The following ANAPC5 variants were observed in gnomAD, a reference collection of about 807,000 sequenced individuals.
The protein encoded by ANAPC5 is anaphase-promoting complex subunit 5.
ANAPC5 carries 60 observed loss-of-function variants against 91.3 expected under a neutral mutation model. That is an observed-to-expected ratio of 0.66 (90% CI 0.53 to 0.81). The LOEUF is 0.81. Among genes scored for constraint, ANAPC5 ranks in the 40% least tolerant of loss-of-function variants. The probability of loss-of-function intolerance (pLI) is 0.00; values close to 1 mark genes in which losing one functional copy is unlikely to be tolerated. For synonymous variants in ANAPC5, 340 were observed against 364.1 expected (o/e 0.93, Z 0.75); for missense variants, 690 against 931.5 (o/e 0.74, Z 3.37).
chr12:121,325,760 G>A (rs1902789930), intron 11 of ANAPC5, among the ~76,000 whole-genome samples: 1 of 151,956 alleles, frequency 6.6e-6, no homozygotes, highest in East Asian at 1.9e-4. Flanking sequence ...CCAGCTATTC[G>A]GGAGGCTGAG....
In ANAPC5 at chr12:121,345,841, T is replaced by G; in HGVS notation, c.588A>C (p.Val196=). 6.2e-7 allele frequency: 1 copy of G among 1,612,706 alleles called. No individual in the cohort carries two copies. The highest frequency in any genetic ancestry group is 8.5e-7 in the Non-Finnish European group (1 of 1,179,642). Residue 196 remains valine, a splice_region_variant and synonymous_variant, in exon 4 of 17, where the codon GTA becomes GTC. Coordinates refer to ENST00000261819, the MANE Select transcript of ANAPC5 (RefSeq NM_016237.5). ...CCCTGTCAGAAAAGCCAAATTACCTTACAGATACATCAAGTTCTTCTTTTT... is the reference window on the plus strand; with the variant it reads ...CCCTGTCAGAAAAGCCAAATTACCTGACAGATACATCAAGTTCTTCTTTTT... ...KMEKEELDVS[V]REEEVSCSGP...
intron 15 of ANAPC5, among the ~76,000 whole-genome samples, chr12:121,312,477 C>G (rs1288949058): frequency 6.6e-6 from 1 of 151,630 alleles, no homozygotes; most frequent in African/African-American, 2.4e-5. Context: ...GAGGCCGAGG[C>G]AGGCAGATCA....
rs557201124 is a variant in ANAPC5 at position 121,337,449 on chromosome 12, G to A, written c.658-57C>T. On this transcript the variant is annotated intron_variant, in intron 5 of 16. Coordinates refer to ENST00000261819, the MANE Select transcript of ANAPC5 (RefSeq NM_016237.5). ...GAAAGGGTCAATAAACATATGAAAA[G>A]ATATACTAACTAGCATCACCTGATT... is the stretch of plus-strand genomic sequence containing the variant. The A allele has an allele frequency of 1.3e-4, 173 of 1,290,088 alleles. No homozygotes were observed. The African/African-American group carries it at 2.2e-3, about 17-fold the overall frequency. 79.9% of individuals were successfully genotyped at this position (1,290,088 alleles called of 1,614,324 possible). A position where few individuals can be genotyped will look rare whatever the true frequency, so the allele number is the denominator to read the frequency against.
chr12:121,336,798 G>A (rs1411839088), intron 6 of ANAPC5, among the ~76,000 whole-genome samples: 11 of 152,146 alleles, frequency 7.2e-5, no homozygotes, highest in African/African-American at 2.4e-4. Context: ...AGAAGAAATC[G>A]CCTATGGCCC....
intron 7 of ANAPC5, chr12:121,333,054 GC>G (rs1191669342): frequency 1.3e-5 from 2 of 152,172 alleles, no homozygotes; most frequent in African/African-American, 4.8e-5. Context: ...AGTGGCTCAC[GC>G]CTGTAATCCC....
chr12:121,314,472 C>G (rs921595327), intron 15 of ANAPC5, among the ~76,000 whole-genome samples: 4 of 151,834 alleles, frequency 2.6e-5, no homozygotes, highest in African/African-American at 9.7e-5. Context: ...AAAAATTTGA[C>G]AAAATCCAAT....
At chr12:121,313,439 GAAC>G (rs781261846) in intron 15 of ANAPC5, among the ~76,000 whole-genome samples, 23 of 152,134 alleles carry the variant, frequency 1.5e-4, no homozygotes, top group Admixed American at 2.6e-4. Flanking sequence ...GAGACTAAGA[GAAC>G]AACAGAGAGA....
rs371157572 is a variant in ANAPC5, at chr12:121,324,393, T to C, written c.1440+2703A>G. Reference sequence around the variant, plus strand: ...AGGCAGCTACCTTCTAGTTGTGTACTAAAAGGCTTCCTAACACAGCCTGGC... The same window carrying C: ...AGGCAGCTACCTTCTAGTTGTGTACCAAAAGGCTTCCTAACACAGCCTGGC... On this transcript the variant is annotated intron_variant, in intron 11 of 16. Coordinates refer to ENST00000261819, the MANE Select transcript of ANAPC5 (RefSeq NM_016237.5). Among the ~76,000 whole-genome samples, 68 of 152,156 alleles carry C rather than the reference T, an allele frequency of 4.5e-4. No individual in the cohort carries two copies. The South Asian group carries it at 7.5e-3, about 17-fold the overall frequency.
intron 5 of ANAPC5, among the ~76,000 whole-genome samples, chr12:121,338,982 T>C (rs1469293857): frequency 2.6e-5 from 4 of 151,920 alleles, no homozygotes; most frequent in African/African-American, 9.7e-5. Flanking sequence ...GAATATGATA[T>C]GTAACTTTAT....
intron 10 of ANAPC5, chr12:121,328,092 A>G (rs1318853040): frequency 1.3e-5 from 6 of 471,464 alleles, no homozygotes; most frequent in Non-Finnish European, 2.3e-5. Context: ...CCCACCCATT[A>G]CCTCACAAAG....
chr12:121,308,271 GA>G lies in ANAPC5; in HGVS notation c.*208del. On this transcript the variant is annotated 3_prime_UTR_variant, in exon 17 of 17. Transcript: ENST00000261819. ...TGTTAGCAAAATACCCATTTATTAA[GA>G]AAAAGTTGGTGTCCTTTGCTACCAA... The G allele has an allele frequency of 1.8e-6, 1 of 544,006 alleles. No individual in the cohort carries two copies. The highest frequency in any genetic ancestry group is 3.3e-6 in the Non-Finnish European group (1 of 303,906). 33.7% of individuals were successfully genotyped at this position (544,006 alleles called of 1,614,324 possible).
chr12:121,345,184 T>C (rs1555274538), intron 4 of ANAPC5, among the ~76,000 whole-genome samples: 2 of 152,202 alleles, frequency 1.3e-5, no homozygotes, highest in South Asian at 2.1e-4. Flanking sequence ...AGGATACTAC[T>C]GCATTTTGGG....
In ANAPC5 at chr12:121,352,398, G is replaced by A; in HGVS notation, c.-58C>T. 2 of 1,385,334 alleles carry A rather than the reference G, an allele frequency of 1.4e-6. No individual in the cohort carries two copies. Among genetic ancestry groups the A allele is most frequent in the Non-Finnish European group, 1.0e-6 (1 of 996,538 alleles). 85.8% of individuals were successfully genotyped at this position (1,385,334 alleles called of 1,614,324 possible). A position where few individuals can be genotyped will look rare whatever the true frequency, so the allele number is the denominator to read the frequency against. Reference sequence around the variant, plus strand: ...GCGCTGCCGCCAGTTGTCACCACAAGGCACAACACTACCGGGTCTACATCT... The same window carrying A: ...GCGCTGCCGCCAGTTGTCACCACAAAGCACAACACTACCGGGTCTACATCT... On this transcript the variant is annotated 5_prime_UTR_variant, in exon 1 of 17. Coordinates refer to ENST00000261819, the MANE Select transcript of ANAPC5 (RefSeq NM_016237.5).
intron 15 of ANAPC5, among the ~76,000 whole-genome samples, chr12:121,317,468 G>C (rs1009380237): frequency 6.6e-6 from 1 of 151,848 alleles, no homozygotes; most frequent in East Asian, 1.9e-4. Flanking sequence ...TGGCCAGGCT[G>C]GTCTTGAACT....
chr12:121,345,994 CT>C lies in ANAPC5; in HGVS notation c.434del (p.Lys145SerfsTer33). ...GTTTAAACACTTGGCTGAAAGAAAG[CT>C]TACTGTAGGCCAAGATCATGTGACG... is the stretch of plus-strand genomic sequence containing the variant. ...FLRHMILAYS[K>X]LSFSQVFKLY... On this transcript the variant is annotated frameshift_variant, in exon 4 of 17. Transcript: ENST00000261819. LOFTEE classifies it high-confidence loss of function. 4.3e-6 allele frequency: 7 copies of C among 1,610,830 alleles called. No homozygotes were observed. The highest frequency in any genetic ancestry group is 5.9e-6 in the Non-Finnish European group (7 of 1,179,100).
chr12:121,339,658 G>A (rs536517343), intron 5 of ANAPC5, among the ~76,000 whole-genome samples: 94 of 151,268 alleles, frequency 6.2e-4, no homozygotes, highest in Non-Finnish European at 1.3e-3. Context: ...TAATAGAGAC[G>A]GGGTTTCACC....
upstream of ANAPC5, chr12:121,352,460 C>T (rs879961648): frequency 5.0e-6 from 4 of 795,382 alleles, no homozygotes; most frequent in Non-Finnish European, 7.9e-6. Context: ...AACAGACATC[C>T]GCGTGCTCGC....
At chr12:121,322,237 C>T (rs1274376379) in intron 11 of ANAPC5, among the ~76,000 whole-genome samples, 1 of 151,418 alleles carries the variant, frequency 6.6e-6, no homozygotes, top group African/African-American at 2.4e-5. Context: ...AGGCTCACTG[C>T]AACCTCCACC....
At chr12:121,316,474 C>G (rs1054249472) in intron 15 of ANAPC5, among the ~76,000 whole-genome samples, 11 of 152,094 alleles carry the variant, frequency 7.2e-5, no homozygotes, top group African/African-American at 2.7e-4. Flanking sequence ...TGGCTCACGC[C>G]TGTAATCCCA....
Sources: allele counts gnomAD v4.1 joint callset (sites outside exome capture counted in the v4.1 genomes callset), GRCh38; gene constraint gnomAD v4.1.1; transcripts MANE v1.5; gene names NCBI Gene and HGNC (gene_info 2026-07-23, HGNC 2026-07-21).